Variants in MAD1L1 observed in about 807,000 individuals in gnomAD.
MAD1L1 encodes mitotic spindle assembly checkpoint protein MAD1.
In MAD1L1, 95 loss-of-function variants were observed where a neutral mutation model predicts 96.9. The observed-to-expected ratio is 0.98, with a 90% CI of 0.83 to 1.16. The LOEUF (loss-of-function observed/expected upper bound fraction) is 1.16. Among genes scored for constraint, MAD1L1 ranks in the 50% most tolerant of loss-of-function variants. The probability of loss-of-function intolerance (pLI) is 0.00; values close to 1 mark genes in which losing one functional copy is unlikely to be tolerated. For synonymous variants in MAD1L1, 473 were observed against 396.6 expected, an observed-to-expected ratio of 1.19 and a Z score of -2.29; for missense variants, 1,007 against 954.4, an observed-to-expected ratio of 1.06 and a Z score of -0.73.
intron 11 of MAD1L1, among the ~76,000 whole-genome samples, chr7:2,131,603 A>G (rs773815524): frequency 6.6e-6 from 1 of 152,220 alleles, no homozygotes; most frequent in Non-Finnish European, 1.5e-5. Flanking sequence ...CTCCCAGCTC[A>G]TCCTCACAAA....
chr7:2,004,243 A>G (rs1411811674), intron 13 of MAD1L1, among the ~76,000 whole-genome samples: 1 of 152,148 alleles, frequency 6.6e-6, no homozygotes, highest in Non-Finnish European at 1.5e-5. Context: ...CGCACCCATG[A>G]GAGCTGCCCG....
intron 6 of MAD1L1, among the ~76,000 whole-genome samples, chr7:2,219,129 C>A (rs538888637): frequency 6.6e-6 from 1 of 152,284 alleles, no homozygotes; most frequent in South Asian, 2.1e-4. Flanking sequence ...TTGCTGCCCC[C>A]ATTCTGCTCC....
intron 10 of MAD1L1, among the ~76,000 whole-genome samples, chr7:2,205,190 C>T (rs971824752): frequency 1.3e-5 from 2 of 150,452 alleles, no homozygotes; most frequent in African/African-American, 4.9e-5. Context: ...AAATGACACC[C>T]GTCCTTGTTT....
chr7:2,029,982 G>C (rs1202983077), intron 12 of MAD1L1, among the ~76,000 whole-genome samples: 1 of 152,200 alleles, frequency 6.6e-6, no homozygotes, highest in African/African-American at 2.4e-5. Flanking sequence ...CCAGGAGAAA[G>C]GTCTCTGGAA....
At chr7:1,896,364 G>A (rs116530855) in intron 18 of MAD1L1, among the ~76,000 whole-genome samples, 41 of 152,354 alleles carry the variant, frequency 2.7e-4, no homozygotes, top group African/African-American at 9.6e-4. Context: ...GCTCGAGCAG[G>A]AAGAGCGGCA....
intron 10 of MAD1L1, among the ~76,000 whole-genome samples, chr7:2,176,656 T>A (rs1408017938): frequency 6.6e-6 from 1 of 152,068 alleles, no homozygotes; most frequent in South Asian, 2.1e-4. Context: ...AAAACTATAC[T>A]GTCTCTATAC....
intron 10 of MAD1L1, among the ~76,000 whole-genome samples, chr7:2,167,528 A>G (rs566499443): frequency 4.6e-5 from 7 of 151,936 alleles, no homozygotes; most frequent in Non-Finnish European, 8.8e-5. Context: ...CAGCCTGGGC[A>G]ACAGAGCGAG....
At chr7:2,193,936 A>ATTTT (rs35067993) in intron 10 of MAD1L1, among the ~76,000 whole-genome samples, 1,942 of 82,660 alleles carry the variant, frequency 0.023, 71 homozygotes, top group Non-Finnish European at 0.032. Flanking sequence ...CTCTGCATGG[A>ATTTT]TTTTTTTTTT....
intron 12 of MAD1L1, among the ~76,000 whole-genome samples, chr7:2,028,626 C>A (rs1186451101): frequency 6.6e-6 from 1 of 151,924 alleles, no homozygotes; most frequent in African/African-American, 2.4e-5. Context: ...CCAGGGCAGC[C>A]CTGATGCAGA....
At chr7:2,012,514 G>T (rs1205464449) in intron 13 of MAD1L1, among the ~76,000 whole-genome samples, 1 of 152,244 alleles carries the variant, frequency 6.6e-6, no homozygotes, top group African/African-American at 2.4e-5. Flanking sequence ...CGTGACGACT[G>T]AAGGTCAGTG....
At chr7:2,041,135 CTG>C (rs1783655507) in intron 12 of MAD1L1, among the ~76,000 whole-genome samples, 1 of 152,216 alleles carries the variant, frequency 6.6e-6, no homozygotes, top group African/African-American at 2.4e-5. Context: ...AAGCTCAAGG[CTG>C]TCAGGAGGAT....
chr7:1,920,185 G>A (rs1025852474), intron 17 of MAD1L1, among the ~76,000 whole-genome samples: 2 of 152,314 alleles, frequency 1.3e-5, no homozygotes, highest in Non-Finnish European at 2.9e-5. Context: ...TGCAGCTCTC[G>A]GGACTTGCCT....
intron 12 of MAD1L1, among the ~76,000 whole-genome samples, chr7:2,017,718 C>T (rs543581760): frequency 7.2e-5 from 11 of 152,318 alleles, no homozygotes; most frequent in Admixed American, 4.6e-4. Flanking sequence ...AGCAGGTGCT[C>T]CGGCGCGCTA....
At chr7:1,993,033 T>C (rs1781417093) in intron 14 of MAD1L1, among the ~76,000 whole-genome samples, 1 of 152,216 alleles carries the variant, frequency 6.6e-6, no homozygotes, top group African/African-American at 2.4e-5. Context: ...CTCCCATAAT[T>C]TTTCAAGATA....
chr7:1,874,741 G>A (rs986276380), intron 18 of MAD1L1, among the ~76,000 whole-genome samples: 1 of 152,002 alleles, frequency 6.6e-6, no homozygotes, highest in Non-Finnish European at 1.5e-5. Flanking sequence ...CTCCCGCCTG[G>A]GCACTTAGTG....
At chr7:1,918,764 G>A (rs1788582033) in intron 17 of MAD1L1, among the ~76,000 whole-genome samples, 1 of 152,338 alleles carries the variant, frequency 6.6e-6, no homozygotes, top group East Asian at 1.9e-4. Context: ...AAGCCACTGT[G>A]CTCTGAGGCC....
At chr7:2,001,907 C>A (rs1013700905) in intron 14 of MAD1L1, among the ~76,000 whole-genome samples, 158 bp downstream of exon 14, 4 of 152,222 alleles carry the variant, frequency 2.6e-5, no homozygotes, top group East Asian at 1.9e-4. Context: ...GGGACTCAGG[C>A]TCCTCACACA....
At chr7:2,074,635 C>T (rs746266304) in intron 11 of MAD1L1, among the ~76,000 whole-genome samples, 10 of 152,242 alleles carry the variant, frequency 6.6e-5, no homozygotes, top group Admixed American at 3.3e-4. Context: ...AGGCTGACCC[C>T]GGGCCCTCTC....
chr7:1,868,242 C>G (rs1762362037), intron 18 of MAD1L1, among the ~76,000 whole-genome samples: 1 of 152,220 alleles, frequency 6.6e-6, no homozygotes, highest in Non-Finnish European at 1.5e-5. Context: ...CAAGCCCCAC[C>G]TGCTGATAAC....
Sources: allele counts gnomAD v4.1 joint callset (sites outside exome capture counted in the v4.1 genomes callset), GRCh38; gene constraint gnomAD v4.1.1; transcripts MANE v1.5; gene names NCBI Gene and HGNC (gene_info 2026-07-23, HGNC 2026-07-21).